Variants in BANF2 observed in about 807,000 individuals in gnomAD.
BANF2 encodes BANF family member 2, also known as barrier-to-autointegration factor-like protein.
In BANF2, 4 loss-of-function variants were observed where a neutral mutation model predicts 8.0. The observed-to-expected ratio is 0.50, with a 90% CI of 0.25 to 1.14. BANF2 has a LOEUF of 1.14. BANF2 is among the 50% of genes most tolerant of loss of function. The pLI is 0.16. For missense variants in BANF2, 96 were observed against 107.5 expected (o/e 0.89, Z 0.47); for synonymous variants, 50 against 40.6 (o/e 1.23, Z -0.88).
At chr20:17,714,122 G>A (rs7273162) in intron 1 of BANF2, among the ~76,000 whole-genome samples, 9,322 of 149,378 alleles carry the variant, frequency 0.062, 379 homozygotes, top group East Asian at 0.12. Flanking sequence ...ACAAGAACCC[G>A]GGAGGCAGAG....
In BANF2 at chr20:17,725,142, T is replaced by C. The variant is rs761518568; in HGVS notation, c.117T>C (p.Gly39=). 5.6e-6 allele frequency: 9 copies of C among 1,612,280 alleles called. No homozygotes were observed. Among genetic ancestry groups the C allele is most frequent in the Non-Finnish European group, 7.6e-6 (9 of 1,178,284 alleles). The change falls in exon 3 of 4, where the codon GGT becomes GGC. Residue 39 remains glycine (G), a synonymous_variant. Coordinates refer to ENST00000246090, the MANE Select transcript of BANF2 (RefSeq NM_178477.5). ...HELAINLVTK[G]INKAYILLGQ... is the part of the protein sequence containing the mutation. Reference sequence around the variant, plus strand: ...TCGCGATCAATTTGGTCACCAAAGGTATCAATAAGGTAATTCATATTTTCT... The same window carrying C: ...TCGCGATCAATTTGGTCACCAAAGGCATCAATAAGGTAATTCATATTTTCT...
upstream of BANF2, chr20:17,699,912 G>A: frequency 1.1e-6 from 1 of 888,656 alleles, no homozygotes; most frequent in Non-Finnish European, 1.3e-6. Flanking sequence ...CCTGTGGTGT[G>A]ACATCACAAT....
chr20:17,718,654 A>C (rs1159485748), intron 1 of BANF2, among the ~76,000 whole-genome samples: 1 of 152,190 alleles, frequency 6.6e-6, no homozygotes, highest in African/African-American at 2.4e-5. Context: ...TAGTGGGGAC[A>C]TATTTGTGAT....
intron 1 of BANF2, among the ~76,000 whole-genome samples, chr20:17,716,680 A>C (rs1281198315): frequency 6.6e-6 from 1 of 150,868 alleles, no homozygotes; most frequent in Non-Finnish European, 1.5e-5. Flanking sequence ...CCTGGGCAAC[A>C]TGGTGAAACC....
At chr20:17,724,974 G>A (rs2037782652) in intron 2 of BANF2, 49 bp from the exon 3 acceptor site, 2 of 1,560,756 alleles carry the variant, frequency 1.3e-6, no homozygotes, top group Non-Finnish European at 1.8e-6. Flanking sequence ...TGCACACTGG[G>A]AGAAGTCAGG....
At position 17,693,816 on chromosome 20, in the gene BANF2, G is replaced by A. The variant is rs140247061; in HGVS notation, c.18+110G>A. ...AGAGGTGTGTCCAGTGGGAGGAGGT[G>A]CTTTCCCGAATTCTGAATTCTTTTC... is the stretch of plus-strand genomic sequence containing the variant. On this transcript the variant is annotated intron_variant, in intron 1 of 2. Coordinates refer to the BANF2 transcript ENST00000545418. The A allele has an allele frequency of 7.7e-4, 976 of 1,273,874 alleles. 4 individuals are homozygous for A. In the African/African-American group the frequency reaches 8.8e-3, roughly 12 times the overall value. 78.9% of individuals were successfully genotyped at this position (1,273,874 alleles called of 1,614,324 possible).
upstream of BANF2, among the ~76,000 whole-genome samples, chr20:17,695,358 A>T (rs1396726457): frequency 7.1e-6 from 1 of 141,810 alleles, no homozygotes. Context: ...AGGCAGGAGG[A>T]TTGCTTGAGC....
intron 1 of BANF2, among the ~76,000 whole-genome samples, chr20:17,713,475 T>C (rs1201961905): frequency 6.6e-6 from 1 of 152,156 alleles, no homozygotes; most frequent in Non-Finnish European, 1.5e-5. Context: ...GATATGAGAA[T>C]GTTCTGAAGA....
At chr20:17,729,791 C>T (rs1367474289) in intron 3 of BANF2, among the ~76,000 whole-genome samples, 1 of 152,224 alleles carries the variant, frequency 6.6e-6, no homozygotes, top group African/African-American at 2.4e-5. Context: ...AGTCCACACT[C>T]ACAATGTTAG....
intron 1 of BANF2, among the ~76,000 whole-genome samples, chr20:17,715,188 A>G (rs2037632852): frequency 6.6e-6 from 1 of 152,198 alleles, no homozygotes; most frequent in Admixed American, 6.5e-5. Flanking sequence ...CCCAGAGTCC[A>G]TGAAGCTGAG....
chr20:17,733,268 G>A (rs1472787030), intron 3 of BANF2, among the ~76,000 whole-genome samples: 2 of 152,224 alleles, frequency 1.3e-5, no homozygotes, highest in Admixed American at 1.3e-4. Context: ...TGCAGGAATA[G>A]TGCAGAGGAA....
At chr20:17,694,824 G>A (rs959023830) in intron 1 of BANF2, among the ~76,000 whole-genome samples, 4 of 151,700 alleles carry the variant, frequency 2.6e-5, no homozygotes, top group Admixed American at 1.3e-4. Flanking sequence ...GTCTCACTTG[G>A]TTGCCCAGGT....
intron 1 of BANF2, among the ~76,000 whole-genome samples, chr20:17,711,234 T>A (rs2037566232): frequency 6.6e-6 from 1 of 152,082 alleles, no homozygotes; most frequent in South Asian, 2.1e-4. Flanking sequence ...GTGGAGCCAC[T>A]TGCCTGCCCC....
chr20:17,712,406 C>CCGT (rs202146897), intron 1 of BANF2: 4 of 363,710 alleles, frequency 1.1e-5, no homozygotes, highest in Non-Finnish European at 1.5e-5. Context: ...TCAGAAGTGA[C>CCGT]TGTTGTTGTC....
intron 1 of BANF2, among the ~76,000 whole-genome samples, chr20:17,694,096 G>C (rs942087346): frequency 6.6e-6 from 1 of 152,180 alleles, no homozygotes; most frequent in Non-Finnish European, 1.5e-5. Context: ...GTACTTGTTC[G>C]TTCATTCAGT....
At chr20:17,715,697 T>A (rs1222354832) in intron 1 of BANF2, among the ~76,000 whole-genome samples, 1 of 152,160 alleles carries the variant, frequency 6.6e-6, no homozygotes, top group African/African-American at 2.4e-5. Context: ...AGCACAGTGC[T>A]CGGTACACAA....
chr20:17,694,599 C>CTTT lies in BANF2; in HGVS notation c.18+894_18+895insTTT, dbSNP rs1256251082. ...AGGGGGCTATTTTTGTTTTTTCTCT[C>CTTT]TCTTTTTTTTTTTTTTTTTTTTTTT... On this transcript the variant is annotated intron_variant, in intron 1 of 2. Coordinates refer to the BANF2 transcript ENST00000545418. Among the ~76,000 whole-genome samples the CTTT allele has an allele frequency of 4.1e-3, 342 of 82,710 alleles. 13 individuals are homozygous for CTTT. Among genetic ancestry groups the CTTT allele is most frequent in the East Asian group, 0.023 (45 of 1,960 alleles). 54.3% of individuals were successfully genotyped at this position (82,710 alleles called of 152,430 possible).
Position 17,725,031 on chromosome 20 carries a change from C to A in BANF2, c.6C>A (p.Asp2Glu), listed in dbSNP as rs777318190. The A allele has an allele frequency of 1.2e-6, 2 of 1,606,672 alleles. No individual in the cohort carries two copies. Among genetic ancestry groups the A allele is most frequent in the Non-Finnish European group, 1.7e-6 (2 of 1,173,480 alleles). Residue 2 changes from aspartate to glutamate, a missense_variant, in exon 3 of 4, where the codon GAC becomes GAA. Asp to Glu is a conservative substitution (Grantham distance 45). Coordinates refer to ENST00000246090, the MANE Select transcript of BANF2 (RefSeq NM_178477.5). M[D>E]NMSPRLRAFL... Reference sequence around the variant, plus strand: ...CCCCACTGCTGTCGCAGGAGATGGACAACATGTCTCCCAGGCTGAGAGCCT... The same window carrying A: ...CCCCACTGCTGTCGCAGGAGATGGAAAACATGTCTCCCAGGCTGAGAGCCT...
At chr20:17,707,023 A>G (rs764125522) in intron 1 of BANF2, among the ~76,000 whole-genome samples, 17 of 152,176 alleles carry the variant, frequency 1.1e-4, no homozygotes, top group Non-Finnish European at 2.1e-4. Context: ...ACCGGGGACC[A>G]CATCTTGGCA....
Sources: gnomAD v4.1 joint callset for allele counts (sites outside exome capture counted in the v4.1 genomes callset) on GRCh38, gnomAD v4.1.1 for gene constraint, MANE v1.5 for transcripts, NCBI Gene and HGNC (gene_info 2026-07-23, HGNC 2026-07-21) for gene names.